Variants in GNAL observed in about 807,000 individuals in gnomAD.
GNAL encodes the protein G protein subunit alpha L, also known as guanine nucleotide-binding protein G(olf) subunit alpha.
Under a neutral mutation model 55.1 loss-of-function variants are expected in GNAL, and 18 were observed. That is an observed-to-expected ratio of 0.33 (90% CI 0.23 to 0.48). GNAL has a LOEUF of 0.48. Among genes scored for constraint, GNAL ranks in the 20% least tolerant of loss-of-function variants. GNAL has a pLI of 0.99. For missense variants in GNAL, 412 were observed against 614.1 expected, an observed-to-expected ratio of 0.67 and a Z score of 3.48; for synonymous variants, 253 against 237.0, an observed-to-expected ratio of 1.07 and a Z score of -0.62.
In GNAL at chr18:11,831,039, G is replaced by C. The variant is rs146832377; in HGVS notation, c.722+6024G>C. On this transcript the variant is annotated intron_variant, in intron 5 of 11. Coordinates refer to ENST00000334049, the MANE Select transcript of GNAL (RefSeq NM_182978.4). The stretch of plus-strand genomic sequence containing the variant: ...GGTTTCTCTTTGGGATAATGAGCAA[G>C]TTCTGGAATTGGATAGTGGTGATAG... 1.4e-3 allele frequency among the ~76,000 whole-genome samples: 220 copies of C among 152,298 alleles called. 4 individuals are homozygous for C. The East Asian group carries it at 0.017, about 12-fold the overall frequency.
At chr18:11,768,771 G>A (rs1470807522) in intron 4 of GNAL, among the ~76,000 whole-genome samples, 4 of 147,746 alleles carry the variant, frequency 2.7e-5, no homozygotes, top group Admixed American at 6.9e-5. Context: ...GCAGGCGCCT[G>A]TAGTCCCAGC....
At chr18:11,699,988 T>C (rs1277116221) in intron 1 of GNAL, among the ~76,000 whole-genome samples, 1 of 152,212 alleles carries the variant, frequency 6.6e-6, no homozygotes, top group Non-Finnish European at 1.5e-5. Context: ...CTCTCAATTT[T>C]GCTGTGAACC....
intron 5 of GNAL, among the ~76,000 whole-genome samples, chr18:11,836,360 C>G (rs2035498447): frequency 6.6e-6 from 1 of 152,034 alleles, no homozygotes; most frequent in African/African-American, 2.4e-5. Flanking sequence ...ACAGGAGAAT[C>G]ACTTGGACCT....
At chr18:11,770,216 T>A (rs1332776350) in intron 4 of GNAL, among the ~76,000 whole-genome samples, 1 of 152,168 alleles carries the variant, frequency 6.6e-6, no homozygotes, top group East Asian at 1.9e-4. Context: ...AAGCATTATA[T>A]TAATTTTTGA....
intron 5 of GNAL, among the ~76,000 whole-genome samples, chr18:11,833,954 C>T (rs1304992734): frequency 2.6e-5 from 4 of 152,046 alleles, no homozygotes; most frequent in Admixed American, 6.6e-5. Context: ...GCTGTGTGGC[C>T]CCTCTGTTGC....
At chr18:11,814,729 T>A (rs560658162) in intron 4 of GNAL, among the ~76,000 whole-genome samples, 1 of 151,824 alleles carries the variant, frequency 6.6e-6, no homozygotes, top group East Asian at 1.9e-4. Flanking sequence ...AAACGCTGTC[T>A]ATACTAAAAA....
Position 11,751,542 on chromosome 18 carries a change from A to G in GNAL, c.377-1311A>G. The G allele has an allele frequency of 1.3e-5, 13 of 985,440 alleles. No homozygotes were observed. The highest frequency in any genetic ancestry group is 1.6e-5 in the Non-Finnish European group (13 of 829,940). The allele number at this position is 985,440 out of a possible 1,614,324, so 61.0% of individuals were successfully genotyped here. On this transcript the variant is annotated intron_variant, in intron 1 of 11. Coordinates refer to ENST00000334049, the MANE Select transcript of GNAL (RefSeq NM_182978.4). The surrounding 1 kb of genome is among the most constrained non-coding windows in gnomAD (Gnocchi z 4.5). ...CGGAGGGATCCTCCTCCCTGCTAGA[A>G]TATGCATGATCCTCCGCGAGTCTTC...
chr18:11,752,364 C>T lies in GNAL; in HGVS notation c.377-489C>T. 6.6e-7 allele frequency: 1 copy of T among 1,525,334 alleles called. No homozygotes were observed. The highest frequency in any genetic ancestry group is 2.6e-5 in the East Asian group (1 of 38,742). The allele number at this position is 1,525,334 out of a possible 1,614,324, so 94.5% of individuals were successfully genotyped here. A position where few individuals can be genotyped will look rare whatever the true frequency, so the allele number is the denominator to read the frequency against. On this transcript the variant is annotated intron_variant, in intron 1 of 11. Transcript: ENST00000334049. The surrounding 1 kb of genome is among the most constrained non-coding windows in gnomAD (Gnocchi z 4.5). ...GAGAGGAGCCGTCGCAGGAGCCGCA[C>T]ACGTCTCCAACTCTCTATTGCTTTT...
At chr18:11,736,448 A>G (rs1423521194) in intron 1 of GNAL, among the ~76,000 whole-genome samples, 1 of 152,200 alleles carries the variant, frequency 6.6e-6, no homozygotes, top group Non-Finnish European at 1.5e-5. Flanking sequence ...ATGTAGAAGT[A>G]TTAGTTTTAT....
Position 11,885,495 on chromosome 18 carries a change from T to C in GNAL, c.*4360T>C, listed in dbSNP as rs2037070189. 1.4e-6 allele frequency: 1 copy of C among 690,682 alleles called. No homozygotes were observed. The highest frequency in any genetic ancestry group is 2.0e-5 in the South Asian group (1 of 50,488). 42.8% of individuals were successfully genotyped at this position (690,682 alleles called of 1,614,324 possible). On this transcript the variant is annotated 3_prime_UTR_variant, in exon 12 of 12. Transcript: ENST00000334049. ...TCACATTAACTGCCCAGGAATGTCA[T>C]GCTGATTGGTTCCCGGAAGGGTGTT...
At chr18:11,794,982 A>G (rs946196222) in intron 4 of GNAL, among the ~76,000 whole-genome samples, 2 of 152,062 alleles carry the variant, frequency 1.3e-5, no homozygotes, top group Non-Finnish European at 2.9e-5. Context: ...AGCTGGGATT[A>G]CCGGCGCCTG....
chr18:11,874,044 T>G (rs189690865), intron 10 of GNAL: 11 of 152,522 alleles, frequency 7.2e-5, no homozygotes, highest in African/African-American at 2.6e-4. Flanking sequence ...CAACCTTACC[T>G]GCTTAGGAGC....
intron 1 of GNAL, among the ~76,000 whole-genome samples, chr18:11,700,943 C>T (rs1292566020): frequency 6.6e-6 from 1 of 152,180 alleles, no homozygotes; most frequent in African/African-American, 2.4e-5. Flanking sequence ...TCATTGAATC[C>T]CTTATATTAC....
chr18:11,758,217 G>A (rs2033125403), intron 4 of GNAL, among the ~76,000 whole-genome samples: 1 of 152,226 alleles, frequency 6.6e-6, no homozygotes, highest in Non-Finnish European at 1.5e-5. Context: ...AACAGGTGCA[G>A]ACGCAGGTAT....
chr18:11,870,426 C>T (rs1409964935), intron 9 of GNAL, among the ~76,000 whole-genome samples: 1 of 152,100 alleles, frequency 6.6e-6, no homozygotes, highest in Admixed American at 6.5e-5. Flanking sequence ...GAGGCTGAGG[C>T]AGGAGAATCG....
chr18:11,859,647 C>T (rs966404965), intron 5 of GNAL, among the ~76,000 whole-genome samples: 1 of 152,226 alleles, frequency 6.6e-6, no homozygotes, highest in Admixed American at 6.5e-5. Flanking sequence ...GAGCTTGCAG[C>T]ACCTATTCCA....
At chr18:11,870,846 A>G (rs2036381133) in intron 9 of GNAL, among the ~76,000 whole-genome samples, 1 of 152,204 alleles carries the variant, frequency 6.6e-6, no homozygotes. Context: ...TTTGTATGAA[A>G]TGTTCAACAA....
intron 10 of GNAL, chr18:11,874,354 G>A (rs1292785354): frequency 6.6e-6 from 1 of 150,554 alleles, no homozygotes; most frequent in East Asian, 2.0e-4. Flanking sequence ...TGACGGCATG[G>A]GTTAAACTCA....
At chr18:11,781,434 A>C (rs962897313) in intron 4 of GNAL, among the ~76,000 whole-genome samples, 4 of 152,156 alleles carry the variant, frequency 2.6e-5, no homozygotes, top group Non-Finnish European at 5.9e-5. Flanking sequence ...TTCTCCTCCC[A>C]TACACCCCCA....
Sources: gnomAD v4.1 joint callset for allele counts (sites outside exome capture counted in the v4.1 genomes callset) on GRCh38, gnomAD v4.1.1 for gene constraint, Gnocchi (gnomAD v3.1) non-coding constraint, MANE v1.5 for transcripts, NCBI Gene and HGNC (gene_info 2026-07-23, HGNC 2026-07-21) for gene names.